EPG5: variants seen among roughly 807,000 people sequenced by gnomAD.
EPG5 encodes ectopic P-granules 5 autophagy tethering factor, also known as ectopic P granules protein 5 homolog.
EPG5 carries 159 observed loss-of-function variants against 302.7 expected under a neutral mutation model. That is an observed-to-expected ratio of 0.53 (90% CI 0.46 to 0.60). The LOEUF (loss-of-function observed/expected upper bound fraction) is 0.60. Ranked by LOEUF, EPG5 falls within the 20% of genes least tolerant of loss-of-function variation. The probability of loss-of-function intolerance (pLI) is 0.00; values close to 1 mark genes in which losing one functional copy is unlikely to be tolerated. For missense variants in EPG5, 2,896 were observed against 3,092.4 expected, an observed-to-expected ratio of 0.94 and a Z score of 1.51; for synonymous variants, 1,158 against 1,136.8, an observed-to-expected ratio of 1.02 and a Z score of -0.37.
intron 10 of EPG5, among the ~76,000 whole-genome samples, chr18:45,937,041 T>C (rs1452287291): frequency 6.6e-6 from 1 of 151,918 alleles, no homozygotes; most frequent in African/African-American, 2.4e-5. Context: ...CTAAGGTCAG[T>C]TGGGCCAGGT....
chr18:45,966,126 A>T (rs1003378618), intron 1 of EPG5, among the ~76,000 whole-genome samples: 1 of 151,792 alleles, frequency 6.6e-6, no homozygotes, highest in African/African-American at 2.4e-5. Flanking sequence ...TAATCTCAGC[A>T]CTTTGGGAGG....
chr18:45,952,676 C>T lies in EPG5; in HGVS notation c.1009-33G>A, dbSNP rs746274750. ...AGGACAAAAAGGTACAATATGAAAC[C>T]AGTTACTCTTTCCATTTGAAGTAAG... On this transcript the variant is annotated intron_variant, in intron 2 of 43. Transcript: ENST00000282041. 6.2e-6 allele frequency: 10 copies of T among 1,606,462 alleles called. No homozygotes were observed. In the Admixed American group the frequency reaches 1.7e-4, roughly 27 times the overall value.
At chr18:45,825,174 G>A in the EPG5 span, among the ~76,000 whole-genome samples, 2,126 of 126,374 alleles carry the variant, frequency 0.017, 74 homozygotes, top group African/African-American at 0.057. Flanking sequence ...GAGGGAGGGA[G>A]GAAGAGAGGG....
chr18:45,922,304 G>A, intron 16 of EPG5, 37 bp downstream of exon 16: 2 of 1,598,798 alleles, frequency 1.3e-6, no homozygotes, highest in East Asian at 4.5e-5. Context: ...CTATCTGCAA[G>A]GTTCAGTAAC....
At chr18:45,923,206 T>C in intron 15 of EPG5, 62 bp downstream of exon 15, 1 of 1,572,514 alleles carries the variant, frequency 6.4e-7, no homozygotes. Flanking sequence ...CTATCATCTT[T>C]ATTTCTAAAT....
At chr18:45,867,153 T>G in intron 37 of EPG5, 146 bp from the exon 38 acceptor site, 1 of 638,762 alleles carries the variant, frequency 1.6e-6, no homozygotes, top group Non-Finnish European at 2.7e-6. Context: ...CTACTCGAGT[T>G]AGGAGTACTA....
At chr18:45,904,162 G>C (rs1429168381) in intron 24 of EPG5, 45 bp from the exon 25 acceptor site, 8 of 1,589,246 alleles carry the variant, frequency 5.0e-6, no homozygotes, top group Middle Eastern at 1.7e-4. Flanking sequence ...ACAAGTCATA[G>C]ATTCACATAT....
At chr18:45,817,663 G>A in the EPG5 span, among the ~76,000 whole-genome samples, 4 of 152,218 alleles carry the variant, frequency 2.6e-5, no homozygotes, top group Non-Finnish European at 5.9e-5. Context: ...TGGTGAGAAG[G>A]CTCAGTTCTT....
rs1438017315 is a variant in EPG5, at chr18:45,858,871, A to G, written c.7010-89T>C. The G allele has an allele frequency of 1.7e-5, 14 of 833,586 alleles. No individual in the cohort carries two copies. The Admixed American group carries it at 2.2e-4, about 13-fold the overall frequency. The allele number at this position is 833,586 out of a possible 1,614,324, so 51.6% of individuals were successfully genotyped here. On this transcript the variant is annotated intron_variant, in intron 40 of 43. Transcript: ENST00000282041. ...AAATATTTTCACTTTAAGCTTCATG[A>G]TTTTTTTTTTTGACATAGCAACCTA...
intron 22 of EPG5, among the ~76,000 whole-genome samples, chr18:45,911,078 TACA>T (rs2049884261): frequency 7.4e-6 from 1 of 135,334 alleles, no homozygotes; most frequent in African/African-American, 2.8e-5. Flanking sequence ...TATCTATCTA[TACA>T]CACACACACA....
chr18:45,905,560 C>G (rs140299646), intron 24 of EPG5, among the ~76,000 whole-genome samples: 1 of 152,322 alleles, frequency 6.6e-6, no homozygotes, highest in East Asian at 1.9e-4. Flanking sequence ...GTCACTTTCT[C>G]TGCCTTTATG....
At chr18:45,807,372 C>G in the EPG5 span, among the ~76,000 whole-genome samples, 1 of 152,208 alleles carries the variant, frequency 6.6e-6, no homozygotes. Context: ...CCCCATACTA[C>G]TGCAGCTGAT....
chr18:45,837,853 T>A, the EPG5 span: 1 of 1,539,442 alleles, frequency 6.5e-7, no homozygotes, highest in Non-Finnish European at 8.7e-7. Context: ...GCGACGTCCA[T>A]GACCGCTACG....
chr18:45,836,957 CT>C, the EPG5 span: 9 of 835,036 alleles, frequency 1.1e-5, no homozygotes, highest in Non-Finnish European at 1.9e-5. Context: ...GGCAGTGTGA[CT>C]TCAGTTACTC....
downstream of EPG5, among the ~76,000 whole-genome samples, chr18:45,845,509 G>C (rs1033162224): frequency 6.6e-6 from 1 of 152,180 alleles, no homozygotes; most frequent in South Asian, 2.1e-4. Flanking sequence ...CCTGTAAGAG[G>C]TCTGGGTGGA....
intron 1 of EPG5, among the ~76,000 whole-genome samples, chr18:45,966,831 A>G (rs912008987): frequency 6.6e-6 from 1 of 152,206 alleles, no homozygotes; most frequent in Non-Finnish European, 1.5e-5. Context: ...GATATAAAAG[A>G]GTAAAGAGAG....
chr18:45,884,232 T>C (rs1007164009), intron 30 of EPG5, among the ~76,000 whole-genome samples: 1 of 152,138 alleles, frequency 6.6e-6, no homozygotes, highest in Non-Finnish European at 1.5e-5. Flanking sequence ...TAGAGTCTCA[T>C]AGAAGTGCGA....
At chr18:45,916,313 C>T (rs1599565395) in intron 18 of EPG5, 107 bp from the exon 19 acceptor site, 2 of 1,520,934 alleles carry the variant, frequency 1.3e-6, no homozygotes, top group Non-Finnish European at 1.8e-6. Flanking sequence ...AATCTATTGC[C>T]TTTCTTGGCC....
intron 3 of EPG5, 69 bp from the exon 4 acceptor site, chr18:45,951,307 C>A: frequency 8.5e-7 from 1 of 1,174,074 alleles, no homozygotes; most frequent in Non-Finnish European, 1.1e-6. Flanking sequence ...AGTGTCTTCA[C>A]TTAAACCAAT....
Sources: gnomAD v4.1 joint callset for allele counts (sites outside exome capture counted in the v4.1 genomes callset) on GRCh38, gnomAD v4.1.1 for gene constraint, MANE v1.5 for transcripts, NCBI Gene and HGNC (gene_info 2026-07-23, HGNC 2026-07-21) for gene names.